The following PMEPA1 variants were observed in gnomAD, a reference collection of about 807,000 sequenced individuals.
PMEPA1 encodes the protein prostate transmembrane protein, androgen induced 1, also known as protein TMEPAI.
In PMEPA1, 11 loss-of-function variants were observed where a neutral mutation model predicts 23.0. That is an observed-to-expected ratio of 0.48 (90% CI 0.30 to 0.79). The LOEUF (loss-of-function observed/expected upper bound fraction) is 0.79, where lower values mean the gene tolerates loss of function less well. PMEPA1 is among the 30% of genes least tolerant of loss of function. The pLI is 0.06. For missense variants in PMEPA1, 377 were observed against 390.9 expected, an observed-to-expected ratio of 0.96 and a Z score of 0.30; for synonymous variants, 204 against 166.4, an observed-to-expected ratio of 1.23 and a Z score of -1.74.
intron 1 of PMEPA1, among the ~76,000 whole-genome samples, chr20:57,675,602 A>T (rs8119404): frequency 0.028 from 4,229 of 152,216 alleles, 199 homozygotes; most frequent in African/African-American, 0.092. Flanking sequence ...GGGTCTAGGA[A>T]ATGCTGCTGG....
At position 57,651,929 on chromosome 20, in the gene PMEPA1, G is replaced by A; in HGVS notation, c.*124C>T. On this transcript the variant is annotated 3_prime_UTR_variant, in exon 4 of 4. Transcript: ENST00000341744. ...CATGTAAATATTTATACACAGGGAG[G>A]TGGGAGGGGAGGGCCACACGATGCG... 1.5e-6 allele frequency: 1 copy of A among 655,874 alleles called. No individual in the cohort carries two copies. Among genetic ancestry groups the A allele is most frequent in the Non-Finnish European group, 2.4e-6 (1 of 408,364 alleles). The allele number at this position is 655,874 out of a possible 1,614,324, so 40.6% of individuals were successfully genotyped here.
At chr20:57,706,622 G>A (rs1193864201) in intron 1 of PMEPA1, among the ~76,000 whole-genome samples, 3 of 152,138 alleles carry the variant, frequency 2.0e-5, no homozygotes, top group Non-Finnish European at 4.4e-5. Context: ...GTGGCTCCCG[G>A]CGTACAAAGG....
chr20:57,669,639 G>C (rs1453480626), intron 1 of PMEPA1, among the ~76,000 whole-genome samples: 1 of 152,212 alleles, frequency 6.6e-6, no homozygotes, highest in African/African-American at 2.4e-5. Flanking sequence ...AACTGGGTTA[G>C]AAAAGAACAA....
At chr20:57,672,391 G>A (rs1223225570) in intron 1 of PMEPA1, among the ~76,000 whole-genome samples, 1 of 152,276 alleles carries the variant, frequency 6.6e-6, no homozygotes. Flanking sequence ...CAGGGGAGGG[G>A]AAGTGAACCG....
chr20:57,705,336 G>T (rs1285321634), intron 1 of PMEPA1, among the ~76,000 whole-genome samples: 2 of 152,202 alleles, frequency 1.3e-5, no homozygotes, highest in African/African-American at 4.8e-5. Context: ...TCGGGTCATA[G>T]AACTCAACTC....
chr20:57,678,840 G>A (rs59005936), intron 1 of PMEPA1, among the ~76,000 whole-genome samples: 1,564 of 152,260 alleles, frequency 0.01, 20 homozygotes, highest in African/African-American at 0.025. Flanking sequence ...GGGATTCCCC[G>A]ATGTAAAGTG....
In PMEPA1 at chr20:57,655,791, C is replaced by G. The variant is rs893407691; in HGVS notation, c.265-2705G>C. ...CTGCGCCTTCCCCATTTAGATGCTT[C>G]TAGACCAAGGGTCTGAAAACTGTTT... On this transcript the variant is annotated intron_variant, in intron 2 of 3. Transcript: ENST00000341744. This position sits in a 1 kb window ranked among gnomAD's most constrained non-coding sequence, Gnocchi z 4.2. Among the ~76,000 whole-genome samples the G allele has an allele frequency of 6.6e-6, 1 of 152,228 alleles. No individual in the cohort carries two copies. The highest frequency in any genetic ancestry group is 2.4e-5 in the African/African-American group (1 of 41,458).
chr20:57,702,887 G>A (rs1399379203), intron 1 of PMEPA1, among the ~76,000 whole-genome samples: 1 of 152,258 alleles, frequency 6.6e-6, no homozygotes, highest in Non-Finnish European at 1.5e-5. Context: ...CCCAGGAACA[G>A]AAAAGAGAAG....
intron 1 of PMEPA1, among the ~76,000 whole-genome samples, chr20:57,688,420 G>A (rs1050404263): frequency 6.6e-6 from 1 of 152,074 alleles, no homozygotes; most frequent in South Asian, 2.1e-4. Flanking sequence ...AGACGCCTAC[G>A]GGGTAGGCAC....
At chr20:57,653,234 C>T (rs928991300) in intron 2 of PMEPA1, 148 bp from the exon 3 acceptor site, 2 of 700,720 alleles carry the variant, frequency 2.9e-6, no homozygotes, top group African/African-American at 3.5e-5. Flanking sequence ...CTTCCCCAGC[C>T]CCTGGCCCTG....
intron 1 of PMEPA1, among the ~76,000 whole-genome samples, chr20:57,670,024 A>G (rs2071546111): frequency 6.6e-6 from 1 of 151,788 alleles, no homozygotes; most frequent in South Asian, 2.1e-4. Context: ...TAGGGTGGGA[A>G]GGCCGGACAG....
At position 57,709,453 on chromosome 20, in the gene PMEPA1, G is replaced by A. The variant is rs761796387; in HGVS notation, c.109+21C>T. 6 of 1,098,354 alleles carry A rather than the reference G, an allele frequency of 5.5e-6. No homozygotes were observed. In the East Asian group the frequency reaches 2.9e-4, roughly 52 times the overall value. The allele number at this position is 1,098,354 out of a possible 1,614,324, so 68.0% of individuals were successfully genotyped here. On this transcript the variant is annotated intron_variant, in intron 1 of 3. Coordinates refer to ENST00000341744, the MANE Select transcript of PMEPA1 (RefSeq NM_020182.5). ...CCGAGCCCGATGGAGTCTCCGGGGA[G>A]GGGGGCGTGGGGTCACTCACTGATC...
In PMEPA1 at chr20:57,652,534, T is replaced by TCC; in HGVS notation, c.381_382dup (p.Glu128GlyfsTer52). On this transcript the variant is annotated frameshift_variant, in exon 4 of 4. Transcript: ENST00000341744. LOFTEE classifies it high-confidence loss of function. This position sits in a 1 kb window ranked among gnomAD's most constrained non-coding sequence, Gnocchi z 6.1. ...GGTGGGCTGGAAGCGGTGGAAGCGCTCCCGCTGGGCGAAGGGCGGCACGGC... is the reference window on the plus strand; with the variant it reads ...GGTGGGCTGGAAGCGGTGGAAGCGCTCCCCCGCTGGGCGAAGGGCGGCACGGC... 1 of 1,556,150 alleles carries TCC rather than the reference T, an allele frequency of 6.4e-7. No individual in the cohort carries two copies. Among genetic ancestry groups the TCC allele is most frequent in the Non-Finnish European group, 8.7e-7 (1 of 1,149,596 alleles).
intron 1 of PMEPA1, among the ~76,000 whole-genome samples, chr20:57,705,201 G>A (rs533351677): frequency 6.6e-6 from 1 of 152,332 alleles, no homozygotes; most frequent in South Asian, 2.1e-4. Context: ...GTTTGTACAG[G>A]AACAATTAGT....
chr20:57,684,128 C>A (rs1487935287), intron 1 of PMEPA1, among the ~76,000 whole-genome samples: 1 of 152,294 alleles, frequency 6.6e-6, no homozygotes, highest in East Asian at 1.9e-4. Context: ...GTCAGCTGCC[C>A]ACGCCTGACT....
chr20:57,692,593 C>A (rs1176733918), intron 1 of PMEPA1, among the ~76,000 whole-genome samples: 1 of 152,224 alleles, frequency 6.6e-6, no homozygotes, highest in Non-Finnish European at 1.5e-5. Context: ...ACTTTTGGCC[C>A]CAGGAGGATT....
chr20:57,651,328 C>T lies in PMEPA1; in HGVS notation c.*725G>A, dbSNP rs2071224618. On this transcript the variant is annotated 3_prime_UTR_variant, in exon 4 of 4. Coordinates refer to ENST00000341744, the MANE Select transcript of PMEPA1 (RefSeq NM_020182.5). Reference sequence around the variant, plus strand: ...TCTGCAGACTCCACGGGGGCTCACCCTCTGCCGTCAGGCGACTCTGAAATT... The same window carrying T: ...TCTGCAGACTCCACGGGGGCTCACCTTCTGCCGTCAGGCGACTCTGAAATT... The T allele has an allele frequency of 6.5e-6, 1 of 152,692 alleles. No individual in the cohort carries two copies. The highest frequency in any genetic ancestry group is 2.4e-5 in the African/African-American group (1 of 41,462). The allele number at this position is 152,692 out of a possible 1,614,324, so 9.5% of individuals were successfully genotyped here. A position where few individuals can be genotyped will look rare whatever the true frequency, so the allele number is the denominator to read the frequency against.
intron 1 of PMEPA1, among the ~76,000 whole-genome samples, chr20:57,676,088 C>T (rs1270412261): frequency 2.6e-5 from 4 of 152,198 alleles, no homozygotes; most frequent in East Asian, 3.8e-4. Context: ...AACTGTTCTG[C>T]GAAGGCAGCA....
chr20:57,669,280 C>T (rs1196973960), intron 1 of PMEPA1, among the ~76,000 whole-genome samples: 1 of 152,086 alleles, frequency 6.6e-6, no homozygotes, highest in Non-Finnish European at 1.5e-5. Context: ...TGTGCCTCAG[C>T]CTCCCAAGTA....
Sources: allele counts gnomAD v4.1 joint callset (sites outside exome capture counted in the v4.1 genomes callset), GRCh38; gene constraint gnomAD v4.1.1; non-coding constraint Gnocchi (gnomAD v3.1); transcripts MANE v1.5; gene names NCBI Gene and HGNC (gene_info 2026-07-23, HGNC 2026-07-21).